Variants in TBC1D5 observed in about 807,000 individuals in gnomAD.
The protein encoded by TBC1D5 is TBC1 domain family member 5.
TBC1D5 carries 75 observed loss-of-function variants against 100.3 expected under a neutral mutation model. The observed-to-expected ratio is 0.75, with a 90% CI of 0.62 to 0.91. The LOEUF is 0.91. Among genes scored for constraint, TBC1D5 ranks in the 40% least tolerant of loss-of-function variants. TBC1D5 has a pLI of 0.00. For missense variants in TBC1D5, 910 were observed against 942.4 expected, an observed-to-expected ratio of 0.97 and a Z score of 0.45; for synonymous variants, 323 against 325.6, an observed-to-expected ratio of 0.99 and a Z score of 0.09.
At chr3:17,232,211 C>A (rs1046942315) in intron 17 of TBC1D5, among the ~76,000 whole-genome samples, 2 of 152,126 alleles carry the variant, frequency 1.3e-5, no homozygotes, top group Non-Finnish European at 1.5e-5. Flanking sequence ...TTATTAATAG[C>A]ATAGAAGCAG....
intron 2 of TBC1D5, among the ~76,000 whole-genome samples, chr3:17,623,328 CAA>C (rs1000077308): frequency 6.6e-6 from 1 of 152,092 alleles, no homozygotes; most frequent in Non-Finnish European, 1.5e-5. Flanking sequence ...CGTATCAGGA[CAA>C]AATGTTGAGG....
intron 1 of TBC1D5, among the ~76,000 whole-genome samples, chr3:17,709,212 GATC>G (rs1478395217): frequency 1.3e-5 from 2 of 152,192 alleles, no homozygotes; most frequent in Non-Finnish European, 2.9e-5. Context: ...TTTCGAAAGA[GATC>G]ATGACTTATC....
At chr3:17,442,274 G>A (rs1212051839) in intron 3 of TBC1D5, among the ~76,000 whole-genome samples, 1 of 152,180 alleles carries the variant, frequency 6.6e-6, no homozygotes, top group African/African-American at 2.4e-5. Context: ...ACCAGGTCTA[G>A]TTGTAGAACT....
intron 3 of TBC1D5, among the ~76,000 whole-genome samples, chr3:17,459,898 T>C (rs1196801109): frequency 1.3e-5 from 2 of 152,210 alleles, no homozygotes; most frequent in Non-Finnish European, 2.9e-5. Flanking sequence ...AAATAGCAGA[T>C]AAGGACAGGA....
intron 2 of TBC1D5, among the ~76,000 whole-genome samples, chr3:17,617,795 G>A (rs1401959399): frequency 2.0e-5 from 3 of 152,074 alleles, no homozygotes; most frequent in Admixed American, 6.6e-5. Context: ...TTAGCCATTC[G>A]TCTAACCTTT....
chr3:17,538,167 T>C (rs1296679738), intron 2 of TBC1D5, among the ~76,000 whole-genome samples: 2 of 151,990 alleles, frequency 1.3e-5, no homozygotes, highest in African/African-American at 4.8e-5. Context: ...CCCCCAGGAC[T>C]GTCAGGCGAC....
chr3:17,423,319 T>TA (rs1287776809), intron 4 of TBC1D5, among the ~76,000 whole-genome samples: 2 of 152,100 alleles, frequency 1.3e-5, no homozygotes, highest in South Asian at 2.1e-4. Flanking sequence ...CTGTTTTATT[T>TA]AAAAAAATAC....
At chr3:17,622,725 G>A (rs931714743) in intron 2 of TBC1D5, 2 of 151,924 alleles carry the variant, frequency 1.3e-5, no homozygotes, top group Non-Finnish European at 1.5e-5. Context: ...AGTGCTTTCC[G>A]GATTTATGTG....
intron 2 of TBC1D5, among the ~76,000 whole-genome samples, chr3:17,554,448 G>A (rs751109598): frequency 3.3e-5 from 5 of 152,152 alleles, no homozygotes; most frequent in Admixed American, 6.5e-5. Context: ...TAGTGAAATG[G>A]CAAAAGAAAA....
intron 3 of TBC1D5, among the ~76,000 whole-genome samples, chr3:17,479,542 A>C (rs999774033): frequency 6.6e-6 from 1 of 152,218 alleles, no homozygotes; most frequent in African/African-American, 2.4e-5. Context: ...AACATGTTTG[A>C]ACTTTAAAAA....
intron 1 of TBC1D5, among the ~76,000 whole-genome samples, chr3:17,630,939 G>A (rs1268950379): frequency 6.6e-6 from 1 of 150,814 alleles, no homozygotes; most frequent in Non-Finnish European, 1.5e-5. Context: ...AGCTACTCGG[G>A]AGGATGAAGC....
At chr3:17,585,690 G>A (rs1473021819) in intron 2 of TBC1D5, among the ~76,000 whole-genome samples, 1 of 151,976 alleles carries the variant, frequency 6.6e-6, no homozygotes, top group African/African-American at 2.4e-5. Context: ...TCTAAAGCTG[G>A]GTTTCTGAAA....
At chr3:17,713,919 C>G (rs575942886) in intron 1 of TBC1D5, among the ~76,000 whole-genome samples, 1 of 152,114 alleles carries the variant, frequency 6.6e-6, no homozygotes, top group Non-Finnish European at 1.5e-5. Flanking sequence ...CTATAAGAAC[C>G]AGTTTTGTCA....
chr3:17,523,511 T>C (rs1264758932), intron 2 of TBC1D5, among the ~76,000 whole-genome samples: 1 of 152,080 alleles, frequency 6.6e-6, no homozygotes, highest in Admixed American at 6.5e-5. Context: ...GAAGAAATAG[T>C]ATTTCAACAG....
intron 3 of TBC1D5, among the ~76,000 whole-genome samples, chr3:17,461,341 T>C (rs569262298): frequency 6.6e-6 from 1 of 152,320 alleles, no homozygotes; most frequent in East Asian, 1.9e-4. Context: ...AATGTGTTCT[T>C]ATGTACATAC....
chr3:17,307,555 A>T (rs1382857264), intron 14 of TBC1D5, among the ~76,000 whole-genome samples: 1 of 152,198 alleles, frequency 6.6e-6, no homozygotes, highest in Admixed American at 6.6e-5. Context: ...AAATACCTTT[A>T]AATGTATTTG....
At chr3:17,595,620 A>C (rs2060512714) in intron 2 of TBC1D5, among the ~76,000 whole-genome samples, 2 of 152,200 alleles carry the variant, frequency 1.3e-5, no homozygotes, top group Non-Finnish European at 2.9e-5. Flanking sequence ...AGTAATCTTA[A>C]AATGTAAGAA....
At position 17,396,385 on chromosome 3, in the gene TBC1D5, T is replaced by C. The variant is rs1229199823; in HGVS notation, c.509+6796A>G. On this transcript the variant is annotated intron_variant, in intron 8 of 21. Transcript: ENST00000253692. ...GGCATTAACACACACCAAAATCAAT[T>C]CTGCTCTGAAATTGCTTGTAAAATC... Among the ~76,000 whole-genome samples, 4 of 152,038 alleles carry C rather than the reference T, an allele frequency of 2.6e-5. No homozygotes were observed. In the East Asian group the frequency reaches 7.7e-4, roughly 29 times the overall value.
intron 3 of TBC1D5, among the ~76,000 whole-genome samples, chr3:17,456,193 C>G (rs1184646602): frequency 6.6e-6 from 1 of 150,766 alleles, no homozygotes; most frequent in African/African-American, 2.5e-5. Context: ...AACTATTAAA[C>G]TACCACAAAA....
Sources: allele counts gnomAD v4.1 joint callset (sites outside exome capture counted in the v4.1 genomes callset), GRCh38; gene constraint gnomAD v4.1.1; transcripts MANE v1.5; gene names NCBI Gene and HGNC (gene_info 2026-07-23, HGNC 2026-07-21).